The following CNTNAP2 variants were observed in gnomAD, a reference collection of about 807,000 sequenced individuals.
CNTNAP2 encodes contactin associated protein 2, also known as contactin-associated protein-like 2.
In CNTNAP2, 98 loss-of-function variants were observed where a neutral mutation model predicts 155.2. That is an observed-to-expected ratio of 0.63 (90% CI 0.54 to 0.75). The LOEUF (loss-of-function observed/expected upper bound fraction) is 0.75. CNTNAP2 is among the 30% of genes least tolerant of loss of function. The pLI is 0.00. For synonymous variants in CNTNAP2, 651 were observed against 631.2 expected (o/e 1.03, Z -0.47); for missense variants, 1,727 against 1,688.1 (o/e 1.02, Z -0.40).
In CNTNAP2 at chr7:147,033,174, A is replaced by ATG. The variant is rs1563051514; in HGVS notation, c.403-10732_403-10731insGT. On this transcript the variant is annotated intron_variant, in intron 3 of 23. Transcript: ENST00000361727. Reference sequence around the variant, plus strand: ...TATATATATATGTATATATATATATATATATATATATATATATATATATAT... The same window carrying ATG: ...TATATATATATGTATATATATATATATGTATATATATATATATATATATATAT... Among the ~76,000 whole-genome samples the ATG allele has an allele frequency of 1.7e-3, 80 of 47,520 alleles. 1 individual carries two copies. Among genetic ancestry groups the ATG allele is most frequent in the African/African-American group, 6.3e-3 (77 of 12,268 alleles). 31.2% of individuals were successfully genotyped at this position (47,520 alleles called of 152,430 possible).
rs569817937 is a variant in CNTNAP2, at chr7:147,772,365, C to T, written c.2099-131200C>T. 6.3e-5 allele frequency among the ~76,000 whole-genome samples: 9 copies of T among 142,214 alleles called. No individual in the cohort carries two copies. The East Asian group carries it at 1.0e-3, about 16-fold the overall frequency. 93.3% of individuals were successfully genotyped at this position (142,214 alleles called of 152,430 possible). A position where few individuals can be genotyped will look rare whatever the true frequency, so the allele number is the denominator to read the frequency against. On this transcript the variant is annotated intron_variant, in intron 13 of 23. Transcript: ENST00000361727. ...CCGGGAGTTGGAGGTTGCAGTGAGC[C>T]GAGATCGTGCCACAGCAGAGTGACA...
rs141730145 is a variant in CNTNAP2 at position 148,388,131 on chromosome 7, ATTC to A, written c.3715+4246_3715+4248del. On this transcript the variant is annotated intron_variant, in intron 22 of 23. Transcript: ENST00000361727. Reference sequence around the variant, plus strand: ...GGGCTGCTCTGTCTGTGGTGTAGCTATTCTTTTATTCCTTTTTGTTTTATTATT... The same window carrying A: ...GGGCTGCTCTGTCTGTGGTGTAGCTATTTTATTCCTTTTTGTTTTATTATT... Among the ~76,000 whole-genome samples, 48 of 152,244 alleles carry A rather than the reference ATTC, an allele frequency of 3.2e-4. 1 individual carries two copies. The East Asian group carries it at 9.1e-3, about 29-fold the overall frequency.
intron 1 of CNTNAP2, among the ~76,000 whole-genome samples, chr7:146,321,194 T>C (rs897759680): frequency 2.0e-5 from 3 of 152,100 alleles, no homozygotes; most frequent in African/African-American, 7.2e-5. Context: ...AAACCAAAGA[T>C]TAAAAAACAA....
chr7:147,705,275 TCTTGATTTCTTC>T (rs1261882030), intron 13 of CNTNAP2, among the ~76,000 whole-genome samples: 2 of 152,186 alleles, frequency 1.3e-5, no homozygotes, highest in Non-Finnish European at 2.9e-5. Context: ...TCAAGATATT[TCTTGATTTCTTC>T]CTTAATTTCT....
chr7:147,652,108 C>T (rs1481896505), intron 13 of CNTNAP2, among the ~76,000 whole-genome samples: 2 of 152,120 alleles, frequency 1.3e-5, no homozygotes, highest in Non-Finnish European at 2.9e-5. Flanking sequence ...GTATCTTTCC[C>T]GAGCTAGTAT....
intron 3 of CNTNAP2, among the ~76,000 whole-genome samples, chr7:146,988,241 A>C (rs1407962014): frequency 6.6e-6 from 1 of 152,146 alleles, no homozygotes; most frequent in African/African-American, 2.4e-5. Flanking sequence ...GTAGAATATA[A>C]CATTTTTGAA....
chr7:146,127,143 C>T (rs1797649266), intron 1 of CNTNAP2, among the ~76,000 whole-genome samples: 2 of 152,212 alleles, frequency 1.3e-5, no homozygotes, highest in East Asian at 3.8e-4. Context: ...TTCTCTAACA[C>T]AACATGCTGT....
At chr7:147,727,210 ATC>A (rs1045437664) in intron 13 of CNTNAP2, among the ~76,000 whole-genome samples, 3 of 151,906 alleles carry the variant, frequency 2.0e-5, no homozygotes, top group Non-Finnish European at 4.4e-5. Flanking sequence ...TGGACCTTTC[ATC>A]TCTGTCTTCC....
chr7:148,283,254 A>AAAG (rs1563024550), intron 21 of CNTNAP2, among the ~76,000 whole-genome samples: 22 of 64,054 alleles, frequency 3.4e-4, no homozygotes, highest in East Asian at 6.0e-4. Context: ...AAAAAAAAAA[A>AAAG]AAAAGAAAGA....
intron 8 of CNTNAP2, among the ~76,000 whole-genome samples, chr7:147,285,282 C>T (rs1805151775): frequency 6.6e-6 from 1 of 151,700 alleles, no homozygotes; most frequent in Non-Finnish European, 1.5e-5. Context: ...ACTGGATAAC[C>T]TCTCTAACTT....
At chr7:147,250,781 A>G (rs1242084458) in intron 8 of CNTNAP2, among the ~76,000 whole-genome samples, 1 of 152,152 alleles carries the variant, frequency 6.6e-6, no homozygotes. Flanking sequence ...GCAGATTCTC[A>G]GACCTCACCC....
intron 17 of CNTNAP2, among the ~76,000 whole-genome samples, chr7:148,168,332 A>T (rs1485684543): frequency 1.3e-5 from 2 of 152,114 alleles, no homozygotes; most frequent in African/African-American, 4.8e-5. Flanking sequence ...ACAATGATAG[A>T]CTGGATTAAG....
chr7:146,917,688 CT>C (rs748913283), intron 3 of CNTNAP2, among the ~76,000 whole-genome samples: 6 of 152,064 alleles, frequency 3.9e-5, no homozygotes, highest in Non-Finnish European at 5.9e-5. Context: ...TGGGGTGGGT[CT>C]TTCCTGTGCT....
intron 13 of CNTNAP2, among the ~76,000 whole-genome samples, chr7:147,753,540 A>G (rs1797170704): frequency 6.6e-6 from 1 of 152,382 alleles, no homozygotes; most frequent in East Asian, 1.9e-4. Flanking sequence ...AGAACTAGAA[A>G]TGTTGATGAG....
chr7:147,940,303 T>TAAAACAAAAAAA (rs1800695333), intron 14 of CNTNAP2: 1 of 91,694 alleles, frequency 1.1e-5, no homozygotes, highest in Non-Finnish European at 2.1e-5. Context: ...CCTGTCTCTT[T>TAAAACAAAAAAA]AAAAAAAAAA....
chr7:148,031,726 A>G (rs1802479818), intron 15 of CNTNAP2, among the ~76,000 whole-genome samples: 1 of 152,168 alleles, frequency 6.6e-6, no homozygotes, highest in Non-Finnish European at 1.5e-5. Flanking sequence ...TGCTGAGTGG[A>G]CAAGGTATTT....
intron 1 of CNTNAP2, among the ~76,000 whole-genome samples, chr7:146,212,573 C>T (rs1201378648): frequency 6.6e-6 from 1 of 152,086 alleles, no homozygotes; most frequent in African/African-American, 2.4e-5. Context: ...ATAATATTAT[C>T]AGGTTATTTT....
chr7:147,127,879 C>T (rs1392324007), intron 6 of CNTNAP2, among the ~76,000 whole-genome samples: 1 of 152,044 alleles, frequency 6.6e-6, no homozygotes, highest in African/African-American at 2.4e-5. Context: ...GCTTCATTTA[C>T]TACTAATTCA....
intron 8 of CNTNAP2, among the ~76,000 whole-genome samples, chr7:147,270,143 C>T (rs1202191912): frequency 1.3e-5 from 2 of 152,142 alleles, no homozygotes; most frequent in African/African-American, 2.4e-5. Flanking sequence ...ATTTAGAATT[C>T]GCAATAGTTT....
Sources: allele counts gnomAD v4.1 joint callset (sites outside exome capture counted in the v4.1 genomes callset), GRCh38; gene constraint gnomAD v4.1.1; transcripts MANE v1.5; gene names NCBI Gene and HGNC (gene_info 2026-07-23, HGNC 2026-07-21).